The following MACF1 variants were observed in gnomAD, a reference collection of about 807,000 sequenced individuals.
MACF1 encodes microtubule-actin cross-linking factor 1.
MACF1 carries 193 observed loss-of-function variants against 854.8 expected under a neutral mutation model. The ratio of observed to expected loss-of-function variants is 0.23; its 90% confidence interval spans 0.20 to 0.25. MACF1 has a LOEUF of 0.25. Ranked by LOEUF, MACF1 falls within the 10% of genes least tolerant of loss-of-function variation. MACF1 has a pLI of 1.00. For missense variants in MACF1, 7,722 were observed against 8,929.1 expected, an observed-to-expected ratio of 0.86 and a Z score of 5.45; for synonymous variants, 3,185 against 3,226.7, an observed-to-expected ratio of 0.99 and a Z score of 0.44.
intron 2 of MACF1, among the ~76,000 whole-genome samples, chr1:39,111,704 A>G (rs181505366): frequency 6.6e-6 from 1 of 152,044 alleles, no homozygotes; most frequent in Admixed American, 6.5e-5. Flanking sequence ...TTTTATAGAG[A>G]TGGGATCTTG....
chr1:39,474,861 G>C (rs1644846391), intron 97 of MACF1, among the ~76,000 whole-genome samples: 1 of 152,184 alleles, frequency 6.6e-6, no homozygotes, highest in Non-Finnish European at 1.5e-5. Flanking sequence ...GGTAACACTT[G>C]ACCAGAAGGA....
chr1:39,085,274 T>G (rs550728448), intron 2 of MACF1, among the ~76,000 whole-genome samples: 2 of 152,192 alleles, frequency 1.3e-5, no homozygotes, highest in South Asian at 4.1e-4. Context: ...CTTAGCACAG[T>G]TTTTGGCTCA....
chr1:39,287,030 G>A lies in MACF1; in HGVS notation c.1509-256G>A, dbSNP rs576591725. Reference sequence around the variant, plus strand: ...GGCTGGGACGCAGTGGTGTGATCTCGGCTCACTGCAACCTCCGCCTCCTGA... The same window carrying A: ...GGCTGGGACGCAGTGGTGTGATCTCAGCTCACTGCAACCTCCGCCTCCTGA... On this transcript the variant is annotated intron_variant, in intron 14 of 100. Transcript: ENST00000564288. Among the ~76,000 whole-genome samples the A allele has an allele frequency of 1.3e-3, 201 of 151,146 alleles. 1 individual carries two copies. The highest frequency in any genetic ancestry group is 2.6e-3 in the Non-Finnish European group (173 of 67,790).
At chr1:39,086,034 C>A (rs928395809) in intron 2 of MACF1, among the ~76,000 whole-genome samples, 4 of 152,190 alleles carry the variant, frequency 2.6e-5, no homozygotes, top group African/African-American at 4.8e-5. Context: ...CTCCATGTTC[C>A]CTTGTTCAAT....
At position 39,440,111 on chromosome 1, in the gene MACF1, C is replaced by CTTTTTTTTTTTTTTT. The variant is rs774399403; in HGVS notation, c.18447+615_18447+629dup. On this transcript the variant is annotated intron_variant, in intron 72 of 100. Coordinates refer to ENST00000564288, the MANE Select transcript of MACF1 (RefSeq NM_001394062.1). ...CTTTTCTTTTCTTTTCTTTTCTTTT[C>CTTTTTTTTTTTTTTT]TTTTTTTTTTTTTTTTTTGGAGACA... Among the ~76,000 whole-genome samples, 52 of 64,564 alleles carry CTTTTTTTTTTTTTTT rather than the reference C, an allele frequency of 8.1e-4. 2 individuals carry two copies. The highest frequency in any genetic ancestry group is 2.6e-3 in the African/African-American group (39 of 14,880). The allele number at this position is 64,564 out of a possible 152,430, so 42.4% of individuals were successfully genotyped here. A position where few individuals can be genotyped will look rare whatever the true frequency, so the allele number is the denominator to read the frequency against.
In MACF1 at chr1:39,084,170, A is replaced by G. The variant is rs1641604170; in HGVS notation, c.-49A>G. On this transcript the variant is annotated 5_prime_UTR_variant, in exon 2 of 94. Coordinates refer to the MACF1 transcript ENST00000361689. The surrounding 1 kb of genome is among the most constrained non-coding windows in gnomAD (Gnocchi z 5.2). ...CATTCACCCCTTTCTCCTTCAGATC[A>G]CTTCTCCCTGGGCTCCCAGGCCCTC... 9 of 1,545,740 alleles carry G rather than the reference A, an allele frequency of 5.8e-6. No individual in the cohort carries two copies. The highest frequency in any genetic ancestry group is 4.5e-5 in the East Asian group (2 of 44,604).
chr1:39,190,399 T>TG (rs1470339381), intron 2 of MACF1, among the ~76,000 whole-genome samples: 2 of 123,688 alleles, frequency 1.6e-5, no homozygotes, highest in Non-Finnish European at 3.4e-5. Flanking sequence ...GTGTTTGTTT[T>TG]TGTTTTTTTT....
chr1:39,324,820 G>T (rs1478264124), intron 35 of MACF1, 86 bp downstream of exon 35: 1 of 1,039,996 alleles, frequency 9.6e-7, no homozygotes, highest in Non-Finnish European at 1.5e-6. Context: ...ATTTCAGAAT[G>T]GAGAATTCAG....
chr1:39,174,208 A>G (rs769207203), intron 2 of MACF1, among the ~76,000 whole-genome samples: 1 of 152,136 alleles, frequency 6.6e-6, no homozygotes, highest in Non-Finnish European at 1.5e-5. Flanking sequence ...ATCATACTCT[A>G]TCACTTAGTG....
intron 95 of MACF1, 152 bp downstream of exon 95, chr1:39,465,264 C>G: frequency 1.3e-6 from 1 of 764,014 alleles, no homozygotes; most frequent in Non-Finnish European, 2.3e-6. Flanking sequence ...TTGATGGGGC[C>G]AGCATTGCAA....
intron 51 of MACF1, 38 bp from the exon 52 acceptor site, chr1:39,372,441 C>G (rs769547314): frequency 1.1e-5 from 13 of 1,225,200 alleles, no homozygotes; most frequent in South Asian, 9.8e-5. Flanking sequence ...AGGAAAAAGC[C>G]CCAGATACTA....
chr1:39,217,976 GA>G (rs1644598610), intron 1 of MACF1, among the ~76,000 whole-genome samples: 1 of 151,758 alleles, frequency 6.6e-6, no homozygotes, highest in Admixed American at 6.6e-5. Context: ...GAGGTCAGGA[GA>G]TCGAGACCAT....
chr1:39,257,903 G>T, intron 5 of MACF1, 33 bp from the exon 6 acceptor site: 1 of 1,491,502 alleles, frequency 6.7e-7, no homozygotes, highest in Non-Finnish European at 9.3e-7. Context: ...AAAAGTCCTA[G>T]AGCTCTGAGC....
At chr1:39,176,042 G>A (rs1465480641) in intron 2 of MACF1, among the ~76,000 whole-genome samples, 4 of 144,180 alleles carry the variant, frequency 2.8e-5, no homozygotes, top group East Asian at 2.1e-4. Context: ...CCCGGGAGGC[G>A]GAGCTTGCAG....
intron 6 of MACF1, among the ~76,000 whole-genome samples, chr1:39,262,059 CACAA>C (rs997923943): frequency 6.6e-6 from 1 of 151,972 alleles, no homozygotes; most frequent in African/African-American, 2.4e-5. Context: ...AATTGAATTC[CACAA>C]ACATTGACTG....
At chr1:39,223,275 T>C (rs993592920) in intron 1 of MACF1, among the ~76,000 whole-genome samples, 1 of 152,188 alleles carries the variant, frequency 6.6e-6, no homozygotes, top group African/African-American at 2.4e-5. Context: ...CATTCCATCA[T>C]AATGGATCTT....
At position 39,460,598 on chromosome 1, in the gene MACF1, A is replaced by G; in HGVS notation, c.21361-34A>G. On this transcript the variant is annotated intron_variant, in intron 91 of 100. Transcript: ENST00000564288. This position sits in a 1 kb window ranked among gnomAD's most constrained non-coding sequence, Gnocchi z 4.1. ...TGGGCAGCTTTTGAGGGCCCAAAAAATAAATCTTATTGACACTTCTGATTT... is the reference window on the plus strand; with the variant it reads ...TGGGCAGCTTTTGAGGGCCCAAAAAGTAAATCTTATTGACACTTCTGATTT... 3 of 1,610,730 alleles carry G rather than the reference A, an allele frequency of 1.9e-6. No individual in the cohort carries two copies. The highest frequency in any genetic ancestry group is 2.5e-6 in the Non-Finnish European group (3 of 1,177,216).
chr1:39,410,414 A>G, intron 58 of MACF1: 1 of 1,614,054 alleles, frequency 6.2e-7, no homozygotes, highest in Non-Finnish European at 8.5e-7. Context: ...CAAATTGACC[A>G]GGGGTCAAAG....
At chr1:39,231,133 G>T in intron 1 of MACF1, 49 bp from the exon 2 acceptor site, 4 of 1,466,126 alleles carry the variant, frequency 2.7e-6, no homozygotes, top group Non-Finnish European at 3.8e-6. Flanking sequence ...GTGGGAACCT[G>T]TTACCTGGGT....
Sources: gnomAD v4.1 joint callset for allele counts (sites outside exome capture counted in the v4.1 genomes callset) on GRCh38, gnomAD v4.1.1 for gene constraint, Gnocchi (gnomAD v3.1) non-coding constraint, MANE v1.5 for transcripts, NCBI Gene and HGNC (gene_info 2026-07-23, HGNC 2026-07-21) for gene names.